The following TBC1D14 variants were observed in gnomAD, a reference collection of about 807,000 sequenced individuals.
TBC1D14 encodes the protein TBC1 domain family member 14.
A neutral mutation model predicts 79.0 loss-of-function variants in TBC1D14; 26 were observed. That is an observed-to-expected ratio of 0.33 (90% confidence interval 0.24 to 0.46). The LOEUF (loss-of-function observed/expected upper bound fraction) is 0.46. Among genes scored for constraint, TBC1D14 ranks in the 20% least tolerant of loss-of-function variants. TBC1D14 has a pLI of 1.00. For synonymous variants in TBC1D14, 394 were observed against 349.9 expected, an observed-to-expected ratio of 1.13 and a Z score of -1.40; for missense variants, 769 against 887.6, an observed-to-expected ratio of 0.87 and a Z score of 1.70.
chr4:6,933,926 G>C (rs1215803769), intron 2 of TBC1D14, among the ~76,000 whole-genome samples: 1 of 152,156 alleles, frequency 6.6e-6, no homozygotes, highest in East Asian at 1.9e-4. Flanking sequence ...GGTGCGATTT[G>C]AAGAATGGAT....
intron 6 of TBC1D14, 32 bp from the exon 7 acceptor site, chr4:7,001,113 A>C: frequency 6.3e-7 from 1 of 1,599,178 alleles, no homozygotes; most frequent in Non-Finnish European, 8.6e-7. Context: ...TGTGTGGAAC[A>C]AACTCAAACT....
chr4:6,977,216 CCCTGCCTGATTCT>C, intron 3 of TBC1D14, among the ~76,000 whole-genome samples: 1 of 144,948 alleles, frequency 6.9e-6, no homozygotes, highest in African/African-American at 2.5e-5. Context: ...ACTGCAACCT[CCCTGCCTGATTCT>C]CCTGCCTCAG....
intron 5 of TBC1D14, 186 bp from the exon 6 acceptor site, chr4:6,998,899 C>T (rs1719364505): frequency 3.4e-6 from 2 of 582,950 alleles, no homozygotes; most frequent in South Asian, 2.0e-5. Context: ...TGCAAGCTTA[C>T]TAAAGGGTGG....
chr4:6,987,225 C>T, intron 3 of TBC1D14: 2 of 1,245,882 alleles, frequency 1.6e-6, no homozygotes, highest in Non-Finnish European at 2.0e-6. Context: ...CCCCGCCCCG[C>T]GAGTCTGAGG....
rs1722978420 is a variant in TBC1D14 at position 7,030,863 on chromosome 4, G to T, written c.*471G>T. 6.4e-6 allele frequency: 1 copy of T among 155,396 alleles called. No homozygotes were observed. The highest frequency in any genetic ancestry group is 2.4e-5 in the African/African-American group (1 of 41,534). The allele number at this position is 155,396 out of a possible 1,614,324, so 9.6% of individuals were successfully genotyped here. A position where few individuals can be genotyped will look rare whatever the true frequency, so the allele number is the denominator to read the frequency against. On this transcript the variant is annotated 3_prime_UTR_variant, in exon 14 of 14. Coordinates refer to ENST00000409757, the MANE Select transcript of TBC1D14 (RefSeq NM_020773.3). ...TATTGAGATAGTTTTTCCAGAGCTG[G>T]AGGTCACGTTTCTAAAACTCACCTA...
intron 12 of TBC1D14, among the ~76,000 whole-genome samples, chr4:7,021,225 C>T (rs1361493608): frequency 6.6e-6 from 1 of 152,186 alleles, no homozygotes; most frequent in African/African-American, 2.4e-5. Context: ...TCACGTATCA[C>T]GGGGGAAACA....
Position 6,967,533 on chromosome 4 carries a change from A to G in TBC1D14, c.843+109A>G, listed in dbSNP as rs1715812425. ...AGTCTGAAACTGGAAATCGCTTTGT[A>G]TTATCTGCATACCACGTTCCTCAGA... On this transcript the variant is annotated intron_variant, in intron 3 of 13. Transcript: ENST00000409757. The G allele has an allele frequency of 3.6e-6, 5 of 1,373,142 alleles. No homozygotes were observed. In the South Asian group the frequency reaches 5.5e-5, roughly 15 times the overall value. The allele number at this position is 1,373,142 out of a possible 1,614,324, so 85.1% of individuals were successfully genotyped here.
intron 2 of TBC1D14, among the ~76,000 whole-genome samples, chr4:6,962,490 A>G (rs566311324): frequency 2.6e-5 from 4 of 152,286 alleles, no homozygotes; most frequent in East Asian, 3.9e-4. Flanking sequence ...GGAGGCCAAC[A>G]GCTGCTTGTC....
In TBC1D14 at chr4:6,925,216, G is replaced by A. The variant is rs185338767; in HGVS notation, c.722+1105G>A. On this transcript the variant is annotated intron_variant, in intron 2 of 13. Coordinates refer to ENST00000409757, the MANE Select transcript of TBC1D14 (RefSeq NM_020773.3). Reference sequence around the variant, plus strand: ...GAGGAGGCAGAGGTTGCGGTGAGCCGAGATCGCGCCACCGCACTCCAGCCT... The same window carrying A: ...GAGGAGGCAGAGGTTGCGGTGAGCCAAGATCGCGCCACCGCACTCCAGCCT... Among the ~76,000 whole-genome samples the A allele has an allele frequency of 1.2e-4, 19 of 152,276 alleles. 1 individual carries two copies. Among genetic ancestry groups the A allele is most frequent in the Admixed American group, 3.3e-4 (5 of 15,294 alleles).
intron 3 of TBC1D14, among the ~76,000 whole-genome samples, chr4:6,969,024 G>A (rs1715979047): frequency 1.3e-5 from 2 of 152,160 alleles, no homozygotes; most frequent in Non-Finnish European, 2.9e-5. Context: ...AACAAAGTGG[G>A]TTTCCACATG....
chr4:6,967,233 A>C, intron 2 of TBC1D14, 71 bp from the exon 3 acceptor site: 1 of 1,564,754 alleles, frequency 6.4e-7, no homozygotes, highest in Non-Finnish European at 8.6e-7. Flanking sequence ...TTTTTATTAG[A>C]GTGGTTCTGC....
Position 6,967,437 on chromosome 4 carries a change from C to CA in TBC1D14, c.843+17dup, listed in dbSNP as rs773353171. 6.2e-7 allele frequency: 1 copy of CA among 1,609,560 alleles called. No individual in the cohort carries two copies. Among genetic ancestry groups the CA allele is most frequent in the Non-Finnish European group, 8.5e-7 (1 of 1,179,054 alleles). On this transcript the variant is annotated intron_variant, in intron 3 of 13. Coordinates refer to ENST00000409757, the MANE Select transcript of TBC1D14 (RefSeq NM_020773.3). ...GAGAATACAGAAGGTACACAAGATA[C>CA]AAAATCACAGAAATAGGCTGTTGGA...
intron 1 of TBC1D14, among the ~76,000 whole-genome samples, chr4:6,915,381 G>T (rs1183179711): frequency 6.6e-6 from 1 of 152,188 alleles, no homozygotes; most frequent in African/African-American, 2.4e-5. Flanking sequence ...CACCTGCTCA[G>T]CCCAGTTTTG....
rs548441399 is a variant in TBC1D14 at position 7,031,927 on chromosome 4, T to C, written c.*1535T>C. 1 of 152,504 alleles carries C rather than the reference T, an allele frequency of 6.6e-6. No homozygotes were observed. The highest frequency in any genetic ancestry group is 2.1e-4 in the South Asian group (1 of 4,834). 9.4% of individuals were successfully genotyped at this position (152,504 alleles called of 1,614,324 possible). ...GAGCTGGCATTCGTTCTCTGGACTTTTTATGCCTGCCATACCCGCTAATGC... is the reference window on the plus strand; with the variant it reads ...GAGCTGGCATTCGTTCTCTGGACTTCTTATGCCTGCCATACCCGCTAATGC... On this transcript the variant is annotated 3_prime_UTR_variant, in exon 14 of 14. Coordinates refer to ENST00000409757, the MANE Select transcript of TBC1D14 (RefSeq NM_020773.3).
chr4:6,953,821 G>A (rs1577079038), intron 2 of TBC1D14, among the ~76,000 whole-genome samples: 1 of 152,144 alleles, frequency 6.6e-6, no homozygotes, highest in Admixed American at 6.5e-5. Context: ...AGACCTGGCC[G>A]CTGCTTCACA....
intron 2 of TBC1D14, among the ~76,000 whole-genome samples, chr4:6,940,486 G>A (rs539737465): frequency 4.9e-4 from 75 of 152,252 alleles, no homozygotes; most frequent in Non-Finnish European, 8.4e-4. Flanking sequence ...TGGGGGTGCT[G>A]GTCAGATAGG....
intron 6 of TBC1D14, among the ~76,000 whole-genome samples, chr4:6,999,692 T>A (rs1719464030): frequency 6.6e-6 from 1 of 152,058 alleles, no homozygotes; most frequent in African/African-American, 2.4e-5. Flanking sequence ...TGTCCTGTAC[T>A]TCCTCAGCCA....
At chr4:7,002,915 A>C (rs1719815756) in intron 7 of TBC1D14, among the ~76,000 whole-genome samples, 1 of 152,162 alleles carries the variant, frequency 6.6e-6, no homozygotes, top group Non-Finnish European at 1.5e-5. Flanking sequence ...AAGGCTCAGC[A>C]TCCTGGAAAG....
chr4:6,984,911 G>A (rs1177579347), intron 3 of TBC1D14, among the ~76,000 whole-genome samples: 1 of 152,172 alleles, frequency 6.6e-6, no homozygotes, highest in African/African-American at 2.4e-5. Context: ...CGGGTGGCCC[G>A]TTGTGTACGA....
Sources: allele counts gnomAD v4.1 joint callset (sites outside exome capture counted in the v4.1 genomes callset), GRCh38; gene constraint gnomAD v4.1.1; transcripts MANE v1.5; gene names NCBI Gene and HGNC (gene_info 2026-07-23, HGNC 2026-07-21).